The following MAGI1 variants were observed in gnomAD, a reference collection of about 807,000 sequenced individuals.
MAGI1 encodes membrane associated guanylate kinase, WW and PDZ domain containing 1.
MAGI1 carries 58 observed loss-of-function variants against 139.9 expected under a neutral mutation model. That is an observed-to-expected ratio of 0.41 (90% confidence interval 0.34 to 0.52). The LOEUF (loss-of-function observed/expected upper bound fraction) is 0.52. Ranked by LOEUF, MAGI1 falls within the 20% of genes least tolerant of loss-of-function variation. MAGI1 has a pLI of 0.12. For synonymous variants in MAGI1, 812 were observed against 737.9 expected, an observed-to-expected ratio of 1.10 and a Z score of -1.63; for missense variants, 1,874 against 1,901.6, an observed-to-expected ratio of 0.99 and a Z score of 0.27.
intron 1 of MAGI1, among the ~76,000 whole-genome samples, chr3:65,950,839 T>C (rs1189131772): frequency 6.6e-6 from 1 of 152,034 alleles, no homozygotes; most frequent in Non-Finnish European, 1.5e-5. Context: ...ACAGATAGAG[T>C]GCAGGGATAC....
chr3:65,943,640 T>C (rs941642836), intron 1 of MAGI1, among the ~76,000 whole-genome samples: 2 of 145,278 alleles, frequency 1.4e-5, no homozygotes, highest in Non-Finnish European at 3.0e-5. Context: ...TGTGTGTGAT[T>C]GTGTGTGTGT....
intron 1 of MAGI1, among the ~76,000 whole-genome samples, chr3:65,979,864 T>C (rs1266950484): frequency 6.6e-6 from 1 of 152,156 alleles, no homozygotes; most frequent in East Asian, 1.9e-4. Context: ...AACTGTGAGC[T>C]CAGCAATATT....
chr3:65,757,171 T>C (rs1263862309), intron 1 of MAGI1, among the ~76,000 whole-genome samples: 1 of 152,214 alleles, frequency 6.6e-6, no homozygotes, highest in Non-Finnish European at 1.5e-5. Context: ...TGATTGTCTA[T>C]GTTAACTCTT....
intron 1 of MAGI1, among the ~76,000 whole-genome samples, chr3:65,737,571 T>G (rs1417355606): frequency 6.6e-6 from 1 of 152,136 alleles, no homozygotes; most frequent in Non-Finnish European, 1.5e-5. Flanking sequence ...GGAGAGAGCA[T>G]TGTGGGAGCA....
intron 1 of MAGI1, among the ~76,000 whole-genome samples, chr3:65,904,524 A>G (rs9846509): frequency 0.017 from 2,639 of 151,980 alleles, 85 homozygotes; most frequent in African/African-American, 0.06. Context: ...CCCAGCTCCC[A>G]CTGTTCTACC....
At chr3:65,534,865 A>G (rs903679041) in intron 2 of MAGI1, among the ~76,000 whole-genome samples, 4 of 152,132 alleles carry the variant, frequency 2.6e-5, no homozygotes, top group African/African-American at 4.8e-5. Context: ...TTTCTAAGGC[A>G]TGGATGCTGC....
At chr3:65,687,958 C>T (rs1051983210) in intron 1 of MAGI1, 6 of 738,164 alleles carry the variant, frequency 8.1e-6, no homozygotes, top group South Asian at 8.0e-5. Flanking sequence ...TCTCAGTTCA[C>T]AGTTAAAGTT....
intron 12 of MAGI1, among the ~76,000 whole-genome samples, chr3:65,412,160 C>T (rs957609793): frequency 6.6e-6 from 1 of 152,170 alleles, no homozygotes; most frequent in African/African-American, 2.4e-5. Context: ...CTTCCTCCTC[C>T]TGGACACACA....
intron 2 of MAGI1, among the ~76,000 whole-genome samples, chr3:65,497,005 G>C (rs780574229): frequency 3.3e-5 from 5 of 152,042 alleles, no homozygotes; most frequent in Non-Finnish European, 7.4e-5. Flanking sequence ...AAGGCTGAGG[G>C]GAAAGGTTTT....
chr3:65,430,864 G>A lies in MAGI1; in HGVS notation c.1381C>T (p.Arg461Ter), dbSNP rs1480501770. 4 of 1,613,068 alleles carry A rather than the reference G, an allele frequency of 2.5e-6. No homozygotes were observed. Among genetic ancestry groups the A allele is most frequent in the Admixed American group, 1.7e-5 (1 of 59,860 alleles). Residue 461 changes from arginine to a stop codon, truncating the protein, a stop_gained, in exon 11 of 23, where the codon CGA becomes TGA. Coordinates refer to ENST00000402939, the MANE Select transcript of MAGI1 (RefSeq NM_001033057.2). LOFTEE classifies it high-confidence loss of function. ...TTGCCTTTCAACTCAGAAGGGTTTCGTGTAAAAAAGGGTTTGCCTGGATTA... is the reference window on the plus strand; with the variant it reads ...TTGCCTTTCAACTCAGAAGGGTTTCATGTAAAAAAGGGTTTGCCTGGATTA... ...VPLQGKPFFT[R>*]NPSELKGKFI...
chr3:65,506,181 A>T (rs1019491128), intron 2 of MAGI1, among the ~76,000 whole-genome samples: 8 of 152,176 alleles, frequency 5.3e-5, no homozygotes, highest in Non-Finnish European at 1.0e-4. Flanking sequence ...GCAACCATAG[A>T]CAAGGTAAAC....
chr3:65,709,782 T>C (rs947647749), intron 1 of MAGI1, among the ~76,000 whole-genome samples: 14 of 152,250 alleles, frequency 9.2e-5, no homozygotes, highest in African/African-American at 2.2e-4. Flanking sequence ...CTTGAAGATA[T>C]GTTTTTGTCA....
intron 2 of MAGI1, among the ~76,000 whole-genome samples, chr3:65,528,459 G>A (rs1015178600): frequency 2.0e-5 from 3 of 152,174 alleles, no homozygotes; most frequent in Non-Finnish European, 4.4e-5. Flanking sequence ...ATAAGGAGAT[G>A]TAGTGTCTGT....
chr3:65,510,443 AC>A (rs1361196080), intron 2 of MAGI1, among the ~76,000 whole-genome samples: 1 of 147,912 alleles, frequency 6.8e-6, no homozygotes. Flanking sequence ...AATAACCAAT[AC>A]AGAGAAGTGC....
chr3:65,876,907 C>T, intron 1 of MAGI1, among the ~76,000 whole-genome samples: 1 of 152,018 alleles, frequency 6.6e-6, no homozygotes, highest in Admixed American at 6.6e-5. Flanking sequence ...CCACGCCCAG[C>T]TAATTTTTTG....
chr3:65,819,135 T>C lies in MAGI1; in HGVS notation c.314-197047A>G, dbSNP rs550843669. Among the ~76,000 whole-genome samples, 6 of 151,940 alleles carry C rather than the reference T, an allele frequency of 3.9e-5. No individual in the cohort carries two copies. In the South Asian group the frequency reaches 1.2e-3, roughly 32 times the overall value. ...CCCCATCTCTATTAAAAATACAAAA[T>C]TAGCGGGGTGTGTTGGAGCATGCCT... On this transcript the variant is annotated intron_variant, in intron 1 of 22. Transcript: ENST00000402939.
chr3:65,657,237 G>A (rs1393820935), intron 1 of MAGI1, among the ~76,000 whole-genome samples: 1 of 151,960 alleles, frequency 6.6e-6, no homozygotes, highest in African/African-American at 2.4e-5. Context: ...GATACAATAA[G>A]TGTGGCACTG....
intron 1 of MAGI1, among the ~76,000 whole-genome samples, chr3:65,715,670 T>C (rs2032147600): frequency 6.6e-6 from 1 of 152,116 alleles, no homozygotes; most frequent in African/African-American, 2.4e-5. Flanking sequence ...AAGAAATCAC[T>C]TGGGGAAAGG....
intron 16 of MAGI1, among the ~76,000 whole-genome samples, chr3:65,379,858 G>C (rs770541613): frequency 1.3e-5 from 2 of 152,096 alleles, no homozygotes; most frequent in Non-Finnish European, 2.9e-5. Flanking sequence ...CAGCAAGATC[G>C]GCCTGCTGTG....
Sources: allele counts gnomAD v4.1 joint callset (sites outside exome capture counted in the v4.1 genomes callset), GRCh38; gene constraint gnomAD v4.1.1; transcripts MANE v1.5; gene names NCBI Gene and HGNC (gene_info 2026-07-23, HGNC 2026-07-21).